Variants in ITGA6 observed in about 807,000 individuals in gnomAD.
ITGA6 encodes the protein integrin alpha-6.
A neutral mutation model predicts 133.6 loss-of-function variants in ITGA6; 63 were observed. That is an observed-to-expected ratio of 0.47 (90% CI 0.38 to 0.58). The LOEUF is 0.58. Ranked by LOEUF, ITGA6 falls within the 20% of genes least tolerant of loss-of-function variation. The pLI, the probability that ITGA6 is intolerant of heterozygous loss-of-function variation, is 0.00. For synonymous variants in ITGA6, 434 were observed against 482.0 expected (o/e 0.90, Z 1.30); for missense variants, 1,068 against 1,309.4 (o/e 0.82, Z 2.85).
chr2:172,445,691 C>T (rs1684740837), intron 1 of ITGA6, among the ~76,000 whole-genome samples: 1 of 151,154 alleles, frequency 6.6e-6, no homozygotes, highest in African/African-American at 2.4e-5. Context: ...TGAAAGACCT[C>T]TTTTGGTTTT....
intron 4 of ITGA6, 66 bp from the exon 5 acceptor site, chr2:172,470,908 G>A (rs977537678): frequency 1.9e-6 from 3 of 1,548,666 alleles, no homozygotes. Context: ...ATGTTTATTA[G>A]GAACCATTTA....
At chr2:172,459,635 C>A (rs962459905) in intron 1 of ITGA6, among the ~76,000 whole-genome samples, 26 of 152,216 alleles carry the variant, frequency 1.7e-4, no homozygotes, top group Non-Finnish European at 2.9e-5. Context: ...AGTTTTACAC[C>A]CAAACTATCA....
intron 4 of ITGA6, among the ~76,000 whole-genome samples, chr2:172,469,955 G>C (rs1249929748): frequency 6.6e-6 from 1 of 152,134 alleles, no homozygotes; most frequent in South Asian, 2.1e-4. Flanking sequence ...AGTAAATGGA[G>C]ATGTAGAGAG....
At chr2:172,443,812 C>T (rs1302196269) in intron 1 of ITGA6, among the ~76,000 whole-genome samples, 3 of 152,230 alleles carry the variant, frequency 2.0e-5, no homozygotes, top group Non-Finnish European at 2.9e-5. Flanking sequence ...CTCACGCTTT[C>T]GCCCAGGCTG....
Position 172,441,559 on chromosome 2 carries a change from TAAAAAA to T in ITGA6, c.182+13620_182+13625del, listed in dbSNP as rs57828626. ...TAACAGAGTGGAGACGCTGTCTCTT[TAAAAAA>T]AAAAAAAAAAAAAAAAAAAAAAAAA... On this transcript the variant is annotated intron_variant, in intron 1 of 25. Coordinates refer to ENST00000684293, the MANE Select transcript of ITGA6 (RefSeq NM_000210.4). Among the ~76,000 whole-genome samples, 40 of 48,850 alleles carry T rather than the reference TAAAAAA, an allele frequency of 8.2e-4. 1 individual carries two copies. The highest frequency in any genetic ancestry group is 6.9e-3 in the South Asian group (9 of 1,308). 32.0% of individuals were successfully genotyped at this position (48,850 alleles called of 152,430 possible).
intron 1 of ITGA6, among the ~76,000 whole-genome samples, chr2:172,460,166 T>C (rs1399265073): frequency 1.3e-5 from 2 of 152,244 alleles, no homozygotes; most frequent in East Asian, 3.8e-4. Flanking sequence ...GAATACAGTT[T>C]GGTTCAGCAC....
intron 1 of ITGA6, among the ~76,000 whole-genome samples, chr2:172,461,575 C>T (rs757473346): frequency 1.5e-4 from 23 of 152,192 alleles, no homozygotes; most frequent in Non-Finnish European, 2.8e-4. Flanking sequence ...CTCCTTCAAA[C>T]GTACTGGGAT....
chr2:172,468,818 CTTTG>C (rs1685793427), intron 3 of ITGA6, among the ~76,000 whole-genome samples: 1 of 152,160 alleles, frequency 6.6e-6, no homozygotes, highest in African/African-American at 2.4e-5. Context: ...AGGTGTTTCT[CTTTG>C]TTTATGTGAC....
Position 172,450,831 on chromosome 2 carries a change from T to A in ITGA6, c.183-14708T>A, listed in dbSNP as rs183425097. On this transcript the variant is annotated intron_variant, in intron 1 of 25. Coordinates refer to ENST00000684293, the MANE Select transcript of ITGA6 (RefSeq NM_000210.4). ...TTTTGTATGTATGTGTATATATATA[T>A]AAAATATATATATAATTTATGTATT... Among the ~76,000 whole-genome samples, 50 of 145,026 alleles carry A rather than the reference T, an allele frequency of 3.4e-4. 1 individual carries two copies. The highest frequency in any genetic ancestry group is 1.2e-3 in the African/African-American group (47 of 38,612).
At chr2:172,439,227 C>A (rs1316893362) in intron 1 of ITGA6, among the ~76,000 whole-genome samples, 1 of 151,758 alleles carries the variant, frequency 6.6e-6, no homozygotes, top group East Asian at 1.9e-4. Context: ...TCCTGCTGGC[C>A]TGGTTGATTT....
At chr2:172,476,649 T>G in intron 9 of ITGA6, 136 bp downstream of exon 9, 1 of 682,158 alleles carries the variant, frequency 1.5e-6, no homozygotes, top group South Asian at 1.6e-5. Context: ...CTTTTTCTTT[T>G]GAAGTTAGTA....
At chr2:172,479,562 GATGCTCTCT>G in intron 9 of ITGA6, 70 bp from the exon 10 acceptor site, 2 of 1,158,116 alleles carry the variant, frequency 1.7e-6, no homozygotes, top group South Asian at 2.4e-5. Context: ...GGCAGCTAAG[GATGCTCTCT>G]AGTATGTGAA....
At chr2:172,488,700 A>G (rs190360334) in intron 19 of ITGA6, among the ~76,000 whole-genome samples, 3 of 152,284 alleles carry the variant, frequency 2.0e-5, no homozygotes, top group Non-Finnish European at 2.9e-5. Flanking sequence ...TAACTCACAC[A>G]TGGGTTTAGG....
chr2:172,474,232 A>G lies in ITGA6; in HGVS notation c.953A>G (p.Tyr318Cys), dbSNP rs1161879558. The change falls in exon 6 of 26, where the codon TAT becomes TGT. Residue 318 changes from tyrosine to cysteine, a missense_variant. Transcript: ENST00000684293. ...GAAGGTCTGGCCTCTTCATTTGGCT[A>G]TGATGTGGCGGTGGTGGACCTCAAC... ...DGEGLASSFGYDVAVVDLNKD... is the reference protein window; with the variant it reads ...DGEGLASSFGCDVAVVDLNKD... 1.2e-6 allele frequency: 2 copies of G among 1,614,128 alleles called. No individual in the cohort carries two copies. The highest frequency in any genetic ancestry group is 8.5e-7 in the Non-Finnish European group (1 of 1,180,026).
At chr2:172,486,165 G>T (rs1574397903) in intron 13 of ITGA6, among the ~76,000 whole-genome samples, 1 of 97,326 alleles carries the variant, frequency 1.0e-5, no homozygotes, top group South Asian at 4.2e-4. Flanking sequence ...AAAAGAGTAA[G>T]ACTCTATCTC....
intron 1 of ITGA6, among the ~76,000 whole-genome samples, chr2:172,449,699 A>C (rs1684904211): frequency 6.6e-6 from 1 of 152,132 alleles, no homozygotes; most frequent in Non-Finnish European, 1.5e-5. Flanking sequence ...TAATCCCAGC[A>C]CTTTGGGAGG....
intron 9 of ITGA6, among the ~76,000 whole-genome samples, chr2:172,477,203 A>ATTG (rs1217174773): frequency 6.6e-6 from 1 of 152,098 alleles, no homozygotes; most frequent in African/African-American, 2.4e-5. Context: ...TGGATGTGAA[A>ATTG]TTGATATATG....
intron 5 of ITGA6, among the ~76,000 whole-genome samples, chr2:172,473,253 C>T (rs1686024505): frequency 6.6e-6 from 1 of 152,200 alleles, no homozygotes; most frequent in Non-Finnish European, 1.5e-5. Context: ...ATGGGCACTT[C>T]TATTTGCTTT....
At chr2:172,473,897 A>T (rs1339168620) in intron 5 of ITGA6, among the ~76,000 whole-genome samples, 158 bp from the exon 6 acceptor site, 1 of 152,156 alleles carries the variant, frequency 6.6e-6, no homozygotes, top group Non-Finnish European at 1.5e-5. Flanking sequence ...GTCACATCTG[A>T]ACTCTGTCAC....
Sources: gnomAD v4.1 joint callset for allele counts (sites outside exome capture counted in the v4.1 genomes callset) on GRCh38, gnomAD v4.1.1 for gene constraint, MANE v1.5 for transcripts, NCBI Gene and HGNC (gene_info 2026-07-23, HGNC 2026-07-21) for gene names.